Variants in HTR1F observed in about 807,000 individuals in gnomAD.
HTR1F encodes 5-hydroxytryptamine (serotonin) receptor 1F, G protein-coupled.
HTR1F carries 17 observed loss-of-function variants against 24.0 expected under a neutral mutation model. The ratio of observed to expected loss-of-function variants is 0.71; its 90% CI spans 0.48 to 1.06. HTR1F has a LOEUF of 1.06. Among genes scored for constraint, HTR1F ranks in the 50% least tolerant of loss-of-function variants. The probability of loss-of-function intolerance (pLI) is 0.00; values close to 1 mark genes in which losing one functional copy is unlikely to be tolerated. For missense variants in HTR1F, 391 were observed against 427.8 expected (o/e 0.91, Z 0.76); for synonymous variants, 186 against 156.8 (o/e 1.19, Z -1.39).
intron 2 of HTR1F, among the ~76,000 whole-genome samples, chr3:87,833,839 A>G (rs1180798215): frequency 6.6e-6 from 1 of 151,714 alleles, no homozygotes; most frequent in African/African-American, 2.4e-5. Context: ...TCCTTCTTAT[A>G]TTTTTACGTA....
chr3:87,930,318 A>G (rs1443800941), intron 2 of HTR1F, among the ~76,000 whole-genome samples: 1 of 152,108 alleles, frequency 6.6e-6, no homozygotes, highest in African/African-American at 2.4e-5. Context: ...TTCCAATACT[A>G]TGTTGAATAT....
chr3:87,991,278 G>T lies in HTR1F; in HGVS notation c.529G>T (p.Asp177Tyr). ...SRDDECIIKH[D>Y]HIVSTIYSTF... is the part of the protein sequence containing the mutation. ...AGATGATGAATGCATCATCAAGCAC[G>T]ACCACATTGTTTCCACCATTTACTC... is the stretch of plus-strand genomic sequence containing the variant. Residue 177 changes from aspartate (D) to tyrosine (Y), a missense_variant, in exon 3 of 3, where the codon GAC (aspartate) becomes TAC (tyrosine). Coordinates refer to ENST00000319595, the MANE Select transcript of HTR1F (RefSeq NM_001322209.2). The T allele has an allele frequency of 6.2e-7, 1 of 1,613,882 alleles. No homozygotes were observed. Among genetic ancestry groups the T allele is most frequent in the Non-Finnish European group, 8.5e-7 (1 of 1,179,964 alleles).
intron 1 of HTR1F, among the ~76,000 whole-genome samples, chr3:87,816,483 C>G (rs1286168971): frequency 1.3e-5 from 2 of 151,952 alleles, no homozygotes; most frequent in Non-Finnish European, 2.9e-5. Context: ...TACAATCTAG[C>G]CCCATGTGCT....
chr3:87,845,607 T>C (rs1441824731), intron 2 of HTR1F, among the ~76,000 whole-genome samples: 2 of 150,932 alleles, frequency 1.3e-5, no homozygotes, highest in Non-Finnish European at 2.9e-5. Flanking sequence ...TGGAAGAACA[T>C]TCCATGCTCA....
chr3:87,827,304 T>A (rs1419789214), intron 2 of HTR1F, among the ~76,000 whole-genome samples: 1 of 152,022 alleles, frequency 6.6e-6, no homozygotes, highest in Non-Finnish European at 1.5e-5. Flanking sequence ...TGTGTCCATG[T>A]GTTGTCATTG....
chr3:87,990,618 A>G (rs1464735967), intron 2 of HTR1F, 90 bp from the exon 3 acceptor site: 1 of 647,762 alleles, frequency 1.5e-6, no homozygotes. Flanking sequence ...CTGGGTAAAC[A>G]TAACATACAC....
chr3:87,836,228 T>G (rs1575924939), intron 2 of HTR1F, among the ~76,000 whole-genome samples: 1 of 152,294 alleles, frequency 6.6e-6, no homozygotes, highest in East Asian at 1.9e-4. Flanking sequence ...TTCTGTTACT[T>G]TAGAGATCTG....
chr3:87,798,668 G>A (rs1029983750), intron 1 of HTR1F, among the ~76,000 whole-genome samples: 4 of 151,648 alleles, frequency 2.6e-5, no homozygotes, highest in Non-Finnish European at 2.9e-5. Flanking sequence ...ACCACAGGCC[G>A]GATTCCACTC....
rs1164431790 is a variant in HTR1F at position 87,991,728 on chromosome 3, G to C, written c.979G>C (p.Glu327Gln). The change falls in exon 3 of 3, where the codon GAA becomes CAA. Residue 327 changes from glutamate to glutamine, a missense_variant. By Grantham distance (29) the Glu-to-Gln change is conservative. Transcript: ENST00000319595. The part of the protein sequence containing the change: ...NVCDKCKISE[E>Q]MSNFLAWLGY... ...CTGTGACAAATGTAAAATTTCTGAA[G>C]AAATGTCCAATTTTTTGGCATGGCT... 10 of 1,613,878 alleles carry C rather than the reference G, an allele frequency of 6.2e-6. No homozygotes were observed. The highest frequency in any genetic ancestry group is 5.9e-6 in the Non-Finnish European group (7 of 1,179,892).
chr3:87,976,991 C>G (rs773901649), intron 2 of HTR1F, among the ~76,000 whole-genome samples: 4 of 152,172 alleles, frequency 2.6e-5, no homozygotes, highest in Non-Finnish European at 5.9e-5. Context: ...ATTTCCATCT[C>G]TAGCTTGCTA....
At chr3:87,823,548 G>A (rs1306112465) in intron 2 of HTR1F, among the ~76,000 whole-genome samples, 3 of 141,686 alleles carry the variant, frequency 2.1e-5, no homozygotes, top group Non-Finnish European at 4.5e-5. Context: ...ACGGTCTCAT[G>A]CTTTTACCCA....
intron 1 of HTR1F, among the ~76,000 whole-genome samples, chr3:87,821,492 G>A (rs1170892858): frequency 6.6e-6 from 1 of 152,078 alleles, no homozygotes; most frequent in African/African-American, 2.4e-5. Flanking sequence ...ATATTAAAAT[G>A]TTCGTGATGT....
At chr3:87,849,831 T>G (rs555486380) in intron 2 of HTR1F, among the ~76,000 whole-genome samples, 31 of 152,066 alleles carry the variant, frequency 2.0e-4, no homozygotes, top group African/African-American at 7.3e-4. Flanking sequence ...AGAGGACATT[T>G]ATGCAGCCAA....
chr3:87,989,680 A>C (rs998550150), intron 2 of HTR1F, among the ~76,000 whole-genome samples: 4 of 152,194 alleles, frequency 2.6e-5, no homozygotes, highest in Non-Finnish European at 5.9e-5. Flanking sequence ...CAAAATTATT[A>C]TTTTGAATAG....
chr3:87,984,593 G>GCT (rs1705622420), intron 2 of HTR1F, among the ~76,000 whole-genome samples: 1 of 152,064 alleles, frequency 6.6e-6, no homozygotes, highest in Non-Finnish European at 1.5e-5. Flanking sequence ...TTCCCAAGTA[G>GCT]CTCAGATTAC....
At chr3:87,862,045 A>G (rs1369751052) in intron 2 of HTR1F, among the ~76,000 whole-genome samples, 1 of 152,200 alleles carries the variant, frequency 6.6e-6, no homozygotes, top group Non-Finnish European at 1.5e-5. Flanking sequence ...TTTTAAACAA[A>G]TTATAAGGAG....
intron 2 of HTR1F, among the ~76,000 whole-genome samples, chr3:87,981,494 C>T (rs1347888880): frequency 2.0e-5 from 3 of 152,186 alleles, no homozygotes; most frequent in Admixed American, 1.3e-4. Context: ...CATGCCTGGC[C>T]GCAATTGTGG....
Position 87,990,897 on chromosome 3 carries a change from G to A in HTR1F, c.148G>A (p.Val50Met). 4.3e-6 allele frequency: 7 copies of A among 1,614,170 alleles called. No homozygotes were observed. The highest frequency in any genetic ancestry group is 5.9e-6 in the Non-Finnish European group (7 of 1,180,034). Residue 50 changes from valine to methionine, a missense_variant, in exon 3 of 3, where the codon GTG (valine) becomes ATG (methionine). Transcript: ENST00000319595. ...CTCCCTTGTGATCGCTGCAATTATT[G>A]TGACCCGGAAGCTGCACCATCCAGC... ...INSLVIAAII[V>M]TRKLHHPANY...
At chr3:87,809,771 T>C (rs532916971) in intron 1 of HTR1F, among the ~76,000 whole-genome samples, 1 of 152,196 alleles carries the variant, frequency 6.6e-6, no homozygotes, top group Non-Finnish European at 1.5e-5. Flanking sequence ...TAAAAACACA[T>C]GATTGTCCGA....
Sources: gnomAD v4.1 joint callset for allele counts (sites outside exome capture counted in the v4.1 genomes callset) on GRCh38, gnomAD v4.1.1 for gene constraint, MANE v1.5 for transcripts, NCBI Gene and HGNC (gene_info 2026-07-23, HGNC 2026-07-21) for gene names.